The following KCNH5 variants were observed in gnomAD, a reference collection of about 807,000 sequenced individuals.
The protein encoded by KCNH5 is potassium voltage-gated channel subfamily H member 5, also known as voltage-gated delayed rectifier potassium channel KCNH5.
In KCNH5, 46 loss-of-function variants were observed where a neutral mutation model predicts 96.1. That is an observed-to-expected ratio of 0.48 (90% CI 0.38 to 0.61). The LOEUF is 0.61. Ranked by LOEUF, KCNH5 falls within the 20% of genes least tolerant of loss-of-function variation. The pLI is 0.00. For missense variants in KCNH5, 907 were observed against 1,225.8 expected, an observed-to-expected ratio of 0.74 and a Z score of 3.88; for synonymous variants, 439 against 449.8, an observed-to-expected ratio of 0.98 and a Z score of 0.30.
chr14:62,777,989 G>A (rs1243949377), intron 10 of KCNH5, among the ~76,000 whole-genome samples: 1 of 152,038 alleles, frequency 6.6e-6, no homozygotes, highest in Non-Finnish European at 1.5e-5. Flanking sequence ...TAATCCCTCT[G>A]GGCCTGAGTA....
chr14:62,787,310 C>A (rs1886339239), intron 9 of KCNH5, among the ~76,000 whole-genome samples: 2 of 152,298 alleles, frequency 1.3e-5, no homozygotes, highest in South Asian at 2.1e-4. Flanking sequence ...ACGCCAAAGC[C>A]AAATCCAGAG....
intron 8 of KCNH5, among the ~76,000 whole-genome samples, chr14:62,846,920 C>T (rs1355867782): frequency 6.8e-6 from 1 of 147,434 alleles, no homozygotes; most frequent in Non-Finnish European, 1.5e-5. Flanking sequence ...CCTGCCTCAG[C>T]CTCTCGAGTA....
At chr14:62,768,124 T>C (rs1320183811) in intron 10 of KCNH5, among the ~76,000 whole-genome samples, 7 of 152,076 alleles carry the variant, frequency 4.6e-5, no homozygotes, top group Admixed American at 4.6e-4. Context: ...ATTACTCAGG[T>C]CATGGTTACA....
chr14:62,772,299 T>C (rs1184690096), intron 10 of KCNH5, among the ~76,000 whole-genome samples: 2 of 152,258 alleles, frequency 1.3e-5, no homozygotes, highest in East Asian at 3.9e-4. Flanking sequence ...TAACTTCTAA[T>C]ATAAAAGTAT....
At chr14:62,964,477 A>T (rs1043845802) in intron 6 of KCNH5, among the ~76,000 whole-genome samples, 1 of 150,532 alleles carries the variant, frequency 6.6e-6, no homozygotes, top group African/African-American at 2.4e-5. Context: ...ATACTCACAG[A>T]CACACACACA....
intron 8 of KCNH5, 143 bp downstream of exon 8, chr14:62,849,510 T>C (rs1887762422): frequency 3.1e-6 from 2 of 645,830 alleles, no homozygotes; most frequent in African/African-American, 3.6e-5. Flanking sequence ...TTAATAAATA[T>C]GACTGATTGA....
intron 9 of KCNH5, among the ~76,000 whole-genome samples, chr14:62,794,226 C>T (rs901008738): frequency 6.6e-6 from 1 of 151,724 alleles, no homozygotes; most frequent in African/African-American, 2.4e-5. Flanking sequence ...TGTTATGGTG[C>T]CTAATTCTTG....
At position 63,041,780 on chromosome 14, in the gene KCNH5, G is replaced by A. The variant is rs553232858; in HGVS notation, c.73+3334C>T. Among the ~76,000 whole-genome samples, 128 of 151,866 alleles carry A rather than the reference G, an allele frequency of 8.4e-4. 1 individual carries two copies. Among genetic ancestry groups the A allele is most frequent in the Middle Eastern group, 6.3e-3 (2 of 316 alleles). ...TCACCAGTAACAACTTGCAATGCTC[G>A]CTTATAACAGACTGAGTCAACTAAA... On this transcript the variant is annotated intron_variant, in intron 1 of 10. Coordinates refer to ENST00000322893, the MANE Select transcript of KCNH5 (RefSeq NM_139318.5).
chr14:62,901,786 T>C, intron 7 of KCNH5, among the ~76,000 whole-genome samples: 1 of 152,256 alleles, frequency 6.6e-6, no homozygotes, highest in East Asian at 1.9e-4. Context: ...TGTTTTAAGC[T>C]CTTTGAGAAA....
In KCNH5 at chr14:62,908,782, A is replaced by ATTTTTTTTTTTTTTTTTT. The variant is rs71120241; in HGVS notation, c.1369+41333_1369+41350dup. ...TTGCCCTTTGTTGATTTTGCTTTGTATTTTTTTTTTTTTTTTTTTTTTTTT... is the reference window on the plus strand; with the variant it reads ...TTGCCCTTTGTTGATTTTGCTTTGTATTTTTTTTTTTTTTTTTTTTTTTTTTTTTTTTTTTTTTTTTTT... On this transcript the variant is annotated intron_variant, in intron 7 of 10. Transcript: ENST00000322893. Among the ~76,000 whole-genome samples, 23 of 23,720 alleles carry ATTTTTTTTTTTTTTTTTT rather than the reference A, an allele frequency of 9.7e-4. 4 individuals carry two copies. Among genetic ancestry groups the ATTTTTTTTTTTTTTTTTT allele is most frequent in the East Asian group, 1.7e-3 (1 of 596 alleles). The allele number at this position is 23,720 out of a possible 152,430, so 15.6% of individuals were successfully genotyped here. A position where few individuals can be genotyped will look rare whatever the true frequency, so the allele number is the denominator to read the frequency against.
At chr14:62,849,436 A>G (rs1887761286) in intron 8 of KCNH5, among the ~76,000 whole-genome samples, 1 of 152,210 alleles carries the variant, frequency 6.6e-6, no homozygotes, top group Non-Finnish European at 1.5e-5. Context: ...AATTTTCTAA[A>G]TTGAATGTGA....
chr14:63,038,597 T>G (rs951187673), intron 1 of KCNH5, among the ~76,000 whole-genome samples: 2 of 152,112 alleles, frequency 1.3e-5, no homozygotes, highest in African/African-American at 2.4e-5. Context: ...CTCTTTTTTC[T>G]TTTGTCAACC....
chr14:62,994,659 G>C (rs1261074263), intron 4 of KCNH5, among the ~76,000 whole-genome samples: 1 of 151,900 alleles, frequency 6.6e-6, no homozygotes, highest in Non-Finnish European at 1.5e-5. Context: ...CTTCATTTTT[G>C]TGGGGAAAAA....
At chr14:62,828,583 C>G (rs551163777) in intron 8 of KCNH5, among the ~76,000 whole-genome samples, 1 of 152,110 alleles carries the variant, frequency 6.6e-6, no homozygotes, top group African/African-American at 2.4e-5. Context: ...ACTTTTAAAC[C>G]ATCAGATCTT....
At chr14:62,899,994 A>G (rs530925267) in intron 7 of KCNH5, among the ~76,000 whole-genome samples, 2 of 152,202 alleles carry the variant, frequency 1.3e-5, no homozygotes, top group East Asian at 1.9e-4. Context: ...CGTTGGCCAG[A>G]TGACATAATT....
chr14:62,908,782 A>ATTTTTTTTTTTTTTTTTTTTTT lies in KCNH5; in HGVS notation c.1369+41329_1369+41350dup, dbSNP rs71120241. On this transcript the variant is annotated intron_variant, in intron 7 of 10. Transcript: ENST00000322893. ...TTGCCCTTTGTTGATTTTGCTTTGTATTTTTTTTTTTTTTTTTTTTTTTTT... is the reference window on the plus strand; with the variant it reads ...TTGCCCTTTGTTGATTTTGCTTTGTATTTTTTTTTTTTTTTTTTTTTTTTTTTTTTTTTTTTTTTTTTTTTTT... Among the ~76,000 whole-genome samples the ATTTTTTTTTTTTTTTTTTTTTT allele has an allele frequency of 3.4e-4, 8 of 23,718 alleles. 3 individuals carry two copies. Among genetic ancestry groups the ATTTTTTTTTTTTTTTTTTTTTT allele is most frequent in the African/African-American group, 3.6e-4 (2 of 5,540 alleles). The allele number at this position is 23,718 out of a possible 152,430, so 15.6% of individuals were successfully genotyped here.
At chr14:62,829,376 C>T (rs1453180978) in intron 8 of KCNH5, among the ~76,000 whole-genome samples, 1 of 152,172 alleles carries the variant, frequency 6.6e-6, no homozygotes, top group East Asian at 1.9e-4. Flanking sequence ...AGAGGTTCTC[C>T]CTAAGGGCTC....
intron 2 of KCNH5, among the ~76,000 whole-genome samples, chr14:63,013,186 A>T (rs1891261655): frequency 1.3e-5 from 2 of 152,128 alleles, no homozygotes; most frequent in East Asian, 3.9e-4. Flanking sequence ...TATTATAAAA[A>T]CACAAATTAA....
chr14:62,952,358 G>A (rs1333458442), intron 6 of KCNH5, among the ~76,000 whole-genome samples: 2 of 152,154 alleles, frequency 1.3e-5, no homozygotes, highest in Admixed American at 6.5e-5. Context: ...TGGAAGGCTT[G>A]AAAGCTTTCA....
Sources: allele counts gnomAD v4.1 joint callset (sites outside exome capture counted in the v4.1 genomes callset), GRCh38; gene constraint gnomAD v4.1.1; transcripts MANE v1.5; gene names NCBI Gene and HGNC (gene_info 2026-07-23, HGNC 2026-07-21).